ABI3BP: variants seen among roughly 807,000 people sequenced by gnomAD.
ABI3BP encodes the protein ABI family member 3 binding protein, also known as target of Nesh-SH3.
Under a neutral mutation model 268.6 loss-of-function variants are expected in ABI3BP, and 216 were observed. The observed-to-expected ratio is 0.80, with a 90% CI of 0.72 to 0.90. The LOEUF (loss-of-function observed/expected upper bound fraction) is 0.90, where lower values mean the gene tolerates loss of function less well. ABI3BP is among the 40% of genes least tolerant of loss of function. The pLI is 0.00. For synonymous variants in ABI3BP, 730 were observed against 730.0 expected, an observed-to-expected ratio of 1.00 and a Z score of 0.00; for missense variants, 2,090 against 2,182.4, an observed-to-expected ratio of 0.96 and a Z score of 0.84.
At chr3:100,799,106 T>C (rs1430317795) in intron 51 of ABI3BP, among the ~76,000 whole-genome samples, 2 of 152,178 alleles carry the variant, frequency 1.3e-5, no homozygotes, top group African/African-American at 2.4e-5. Context: ...ACAGCTCGAA[T>C]GCTCTAATAT....
At chr3:100,767,365 T>A (rs1030123229) in intron 62 of ABI3BP, among the ~76,000 whole-genome samples, 1 of 152,212 alleles carries the variant, frequency 6.6e-6, no homozygotes, top group African/African-American at 2.4e-5. Flanking sequence ...CCATGGTTTC[T>A]GGATACTATT....
chr3:100,811,148 A>C, intron 48 of ABI3BP, 82 bp downstream of exon 48: 1 of 1,192,962 alleles, frequency 8.4e-7, no homozygotes, highest in Non-Finnish European at 1.2e-6. Flanking sequence ...ATGAATTCAC[A>C]ATGAGAGAGA....
intron 24 of ABI3BP, 37 bp downstream of exon 24, chr3:100,839,532 C>G: frequency 6.5e-7 from 1 of 1,534,044 alleles, no homozygotes; most frequent in Non-Finnish European, 8.7e-7. Flanking sequence ...AAAGCTACAA[C>G]CCGTGAAAGC....
chr3:100,835,999 T>A (rs2098580063), intron 27 of ABI3BP, among the ~76,000 whole-genome samples: 1 of 152,168 alleles, frequency 6.6e-6, no homozygotes, highest in African/African-American at 2.4e-5. Flanking sequence ...TCTGTTGGTA[T>A]TTAAAAAGTT....
chr3:100,871,431 G>A (rs957939945), intron 9 of ABI3BP, among the ~76,000 whole-genome samples: 2 of 152,178 alleles, frequency 1.3e-5, no homozygotes, highest in African/African-American at 4.8e-5. Flanking sequence ...TCTCTTCAGT[G>A]TGTGATATGG....
intron 1 of ABI3BP, among the ~76,000 whole-genome samples, chr3:100,979,485 T>C (rs1481820888): frequency 1.3e-5 from 2 of 152,224 alleles, no homozygotes; most frequent in African/African-American, 2.4e-5. Context: ...AAAGGATCTT[T>C]ACTCTGTTAA....
In ABI3BP at chr3:100,864,187, G is replaced by A. The variant is rs968731108; in HGVS notation, c.1064-111C>T. On this transcript the variant is annotated intron_variant, in intron 11 of 67. Transcript: ENST00000471714. ...GTAACAGACTCTTGCACACAGAGCA[G>A]CCAATACCTTTAATGGAAATAACCT... is the stretch of plus-strand genomic sequence containing the variant. The A allele has an allele frequency of 6.4e-5, 46 of 720,500 alleles. No homozygotes were observed. The Admixed American group carries it at 7.1e-4, about 11-fold the overall frequency. The allele number at this position is 720,500 out of a possible 1,614,324, so 44.6% of individuals were successfully genotyped here.
chr3:100,791,474 C>A (rs2097195543), intron 55 of ABI3BP, among the ~76,000 whole-genome samples: 1 of 151,708 alleles, frequency 6.6e-6, no homozygotes, highest in South Asian at 2.1e-4. Flanking sequence ...TTATGAGAAT[C>A]CAGCTATCTT....
chr3:100,960,799 C>T (rs1327052092), intron 1 of ABI3BP, among the ~76,000 whole-genome samples: 1 of 152,152 alleles, frequency 6.6e-6, no homozygotes, highest in Non-Finnish European at 1.5e-5. Flanking sequence ...GAAAGAGGGT[C>T]CTCATTTAAT....
chr3:100,976,944 C>G (rs1177704375), intron 1 of ABI3BP, among the ~76,000 whole-genome samples: 2 of 152,248 alleles, frequency 1.3e-5, no homozygotes, highest in Non-Finnish European at 2.9e-5. Flanking sequence ...ATGAAGGCCT[C>G]TGGAGATGTG....
At position 100,841,212 on chromosome 3, in the gene ABI3BP, T is replaced by G. The variant is rs866078406; in HGVS notation, c.1766-354A>C. 5.7e-4 allele frequency among the ~76,000 whole-genome samples: 65 copies of G among 114,508 alleles called. 2 individuals carry two copies. The highest frequency in any genetic ancestry group is 1.8e-3 in the African/African-American group (53 of 29,014). The allele number at this position is 114,508 out of a possible 152,430, so 75.1% of individuals were successfully genotyped here. On this transcript the variant is annotated intron_variant, in intron 21 of 67. Coordinates refer to ENST00000471714, the MANE Select transcript of ABI3BP (RefSeq NM_001375547.2). ...TAGAACACTTTTTTTTTTTTTTTTT[T>G]TTTTTTTTTTTTTTTGCTCTTTTGA... is the stretch of plus-strand genomic sequence containing the variant.
rs145126337 is a variant in ABI3BP at position 100,795,326 on chromosome 3, A to G, written c.3866-323T>C. On this transcript the variant is annotated intron_variant, in intron 53 of 67. Coordinates refer to ENST00000471714, the MANE Select transcript of ABI3BP (RefSeq NM_001375547.2). ...CTCTCCCCCGTTCAAGAGAGCATGC[A>G]TGATTACCAAATGAGTGAGAATATC... Among the ~76,000 whole-genome samples the G allele has an allele frequency of 9.9e-5, 15 of 152,146 alleles. No homozygotes were observed. The East Asian group carries it at 2.9e-3, about 29-fold the overall frequency.
At chr3:100,953,487 G>T (rs1314425761) in intron 1 of ABI3BP, among the ~76,000 whole-genome samples, 2 of 152,174 alleles carry the variant, frequency 1.3e-5, no homozygotes, top group Non-Finnish European at 2.9e-5. Context: ...GAGGGATACT[G>T]ATCTCCAGGA....
chr3:100,966,965 G>A (rs1298571604), intron 1 of ABI3BP, among the ~76,000 whole-genome samples: 1 of 151,072 alleles, frequency 6.6e-6, no homozygotes, highest in Non-Finnish European at 1.5e-5. Context: ...AACTAAAGAT[G>A]ACTCAGATAT....
At chr3:100,940,346 G>T (rs2068389193) in intron 1 of ABI3BP, among the ~76,000 whole-genome samples, 1 of 151,916 alleles carries the variant, frequency 6.6e-6, no homozygotes, top group African/African-American at 2.4e-5. Flanking sequence ...ATTAATTTGG[G>T]GAACAAATAA....
intron 2 of ABI3BP, among the ~76,000 whole-genome samples, chr3:100,925,942 C>T (rs1051546975): frequency 2.0e-5 from 3 of 149,084 alleles, no homozygotes; most frequent in African/African-American, 7.3e-5. Flanking sequence ...TGAAAATACA[C>T]TCAAAATGCT....
rs1386267151 is a variant in ABI3BP at position 100,812,482 on chromosome 3, G to T, written c.3406C>A (p.Pro1136Thr). The change falls in exon 46 of 68, where the codon CCA becomes ACA. Residue 1136 changes from proline (P) to threonine (T), a missense_variant. Physicochemically the swap from Pro to Thr is conservative, Grantham distance 38. Transcript: ENST00000471714. Reference protein sequence around the residue: ...LESVTLSTESPKETIAPAKTD... With the variant: ...LESVTLSTESTKETIAPAKTD... ...ACATTTTTACCTATGGTCTCCTTTG[G>T]TGACTCAGTACTAAGTGTAACCGAT... is the stretch of plus-strand genomic sequence containing the variant. 6 of 1,324,522 alleles carry T rather than the reference G, an allele frequency of 4.5e-6. No homozygotes were observed. Among genetic ancestry groups the T allele is most frequent in the African/African-American group, 3.0e-5 (2 of 66,024 alleles). 82.0% of individuals were successfully genotyped at this position (1,324,522 alleles called of 1,614,324 possible).
chr3:100,774,046 T>C (rs2096632395), intron 61 of ABI3BP, among the ~76,000 whole-genome samples: 2 of 152,192 alleles, frequency 1.3e-5, no homozygotes, highest in East Asian at 1.9e-4. Flanking sequence ...TGTATACATA[T>C]ATTAAAATTC....
chr3:100,883,619 T>C (rs2040489349), intron 6 of ABI3BP, among the ~76,000 whole-genome samples: 1 of 152,112 alleles, frequency 6.6e-6, no homozygotes. Flanking sequence ...AATTTAGCGA[T>C]GAAAATATAT....
Sources: gnomAD v4.1 joint callset for allele counts (sites outside exome capture counted in the v4.1 genomes callset) on GRCh38, gnomAD v4.1.1 for gene constraint, MANE v1.5 for transcripts, NCBI Gene and HGNC (gene_info 2026-07-23, HGNC 2026-07-21) for gene names.